Variants in BMERB1 observed in about 807,000 individuals in gnomAD.
BMERB1 encodes bMERB domain-containing protein 1.
A neutral mutation model predicts 23.6 loss-of-function variants in BMERB1; 12 were observed. The observed-to-expected ratio is 0.51, with a 90% CI of 0.33 to 0.82. BMERB1 has a LOEUF of 0.82. Among genes scored for constraint, BMERB1 ranks in the 40% least tolerant of loss-of-function variants. The probability of loss-of-function intolerance (pLI) is 0.03; values close to 1 mark genes in which losing one functional copy is unlikely to be tolerated. For missense variants in BMERB1, 247 were observed against 255.4 expected (o/e 0.97, Z 0.22); for synonymous variants, 122 against 96.6 (o/e 1.26, Z -1.54).
chr16:15,468,099 T>A (rs2051197141), intron 1 of BMERB1, among the ~76,000 whole-genome samples: 1 of 150,928 alleles, frequency 6.6e-6, no homozygotes, highest in South Asian at 2.1e-4. Flanking sequence ...TCTTTTTTTT[T>A]ACTTTTTCTT....
At chr16:15,538,267 C>A (rs2052044588) in intron 2 of BMERB1, among the ~76,000 whole-genome samples, 1 of 152,148 alleles carries the variant, frequency 6.6e-6, no homozygotes, top group African/African-American at 2.4e-5. Context: ...GCCTGGCCAA[C>A]ATGGTGAAAC....
rs540748004 is a variant in BMERB1, at chr16:15,465,118, C to T, written c.106+30359C>T. The stretch of plus-strand genomic sequence containing the variant: ...ATAAAATTGCACAGAACCACACACA[C>T]ACATACACACACACACCAATGAATT... On this transcript the variant is annotated intron_variant, in intron 1 of 5. Coordinates refer to ENST00000300006, the MANE Select transcript of BMERB1 (RefSeq NM_033201.3). 2.0e-5 allele frequency among the ~76,000 whole-genome samples: 3 copies of T among 152,234 alleles called. No individual in the cohort carries two copies. The South Asian group carries it at 6.2e-4, about 32-fold the overall frequency.
intron 1 of BMERB1, among the ~76,000 whole-genome samples, chr16:15,502,986 T>G (rs2051546305): frequency 6.6e-6 from 1 of 152,192 alleles, no homozygotes; most frequent in African/African-American, 2.4e-5. Context: ...CTGACCACTC[T>G]TTGTGATGTC....
intron 2 of BMERB1, among the ~76,000 whole-genome samples, chr16:15,548,524 G>A (rs1156756927): frequency 1.3e-5 from 2 of 152,162 alleles, no homozygotes; most frequent in Admixed American, 1.3e-4. Context: ...ATCTGCAGCA[G>A]TGGGAGTATT....
chr16:15,531,704 T>C (rs907978940), intron 2 of BMERB1, among the ~76,000 whole-genome samples: 1 of 152,158 alleles, frequency 6.6e-6, no homozygotes, highest in Admixed American at 6.5e-5. Context: ...TACCAGTAAA[T>C]TGCATGTACC....
chr16:15,555,704 G>A lies in BMERB1; in HGVS notation c.231-12279G>A, dbSNP rs184963621. 1.6e-3 allele frequency among the ~76,000 whole-genome samples: 237 copies of A among 152,276 alleles called. 1 individual carries two copies. The highest frequency in any genetic ancestry group is 1.9e-3 in the Non-Finnish European group (132 of 68,030). ...ATTCCCTTCCTATGTACACTGGCAG[G>A]CACCTCTCCGGTCCCTTGGTCCCCA... On this transcript the variant is annotated intron_variant, in intron 2 of 5. Coordinates refer to ENST00000300006, the MANE Select transcript of BMERB1 (RefSeq NM_033201.3).
At chr16:15,478,122 G>A (rs973615615) in intron 1 of BMERB1, among the ~76,000 whole-genome samples, 6 of 151,758 alleles carry the variant, frequency 4.0e-5, no homozygotes, top group Non-Finnish European at 8.8e-5. Flanking sequence ...AATCCTTCTC[G>A]ACATTCAAGT....
intron 2 of BMERB1, among the ~76,000 whole-genome samples, chr16:15,522,353 A>G (rs1018349620): frequency 6.6e-6 from 1 of 152,150 alleles, no homozygotes; most frequent in African/African-American, 2.4e-5. Context: ...AGAGGTACCA[A>G]GTGTGGTAAA....
intron 3 of BMERB1, among the ~76,000 whole-genome samples, chr16:15,575,058 G>A (rs899619592): frequency 5.3e-5 from 8 of 152,028 alleles, no homozygotes; most frequent in Non-Finnish European, 1.0e-4. Context: ...CAGCCTGGGC[G>A]ACAAAGCAAG....
intron 1 of BMERB1, among the ~76,000 whole-genome samples, chr16:15,454,295 C>G (rs904066834): frequency 6.6e-6 from 1 of 152,218 alleles, no homozygotes; most frequent in Non-Finnish European, 1.5e-5. Context: ...AGCAAACACA[C>G]GTTTTCATTA....
intron 1 of BMERB1, among the ~76,000 whole-genome samples, chr16:15,469,907 A>G (rs929442904): frequency 1.3e-5 from 2 of 152,324 alleles, no homozygotes; most frequent in East Asian, 3.9e-4. Flanking sequence ...AGATCTACGT[A>G]GACACTTAAG....
chr16:15,577,765 CAG>C (rs768808565), intron 3 of BMERB1, among the ~76,000 whole-genome samples: 17 of 152,242 alleles, frequency 1.1e-4, no homozygotes, highest in Non-Finnish European at 2.1e-4. Context: ...GCTGCAAACA[CAG>C]TGTATTTACA....
rs1567510151 is a variant in BMERB1 at position 15,588,165 on chromosome 16, G to GA, written c.*1336_*1337insA. ...TTTTCATCGTTGACATCATATTGTG[G>GA]TATCATTTATAACCAGTTTTTTCCT... On this transcript the variant is annotated 3_prime_UTR_variant, in exon 6 of 6. Transcript: ENST00000300006. 9.9e-5 allele frequency: 15 copies of GA among 151,962 alleles called. No individual in the cohort carries two copies. Among genetic ancestry groups the GA allele is most frequent in the Non-Finnish European group, 7.4e-5 (5 of 67,968 alleles). 9.4% of individuals were successfully genotyped at this position (151,962 alleles called of 1,614,324 possible). A position where few individuals can be genotyped will look rare whatever the true frequency, so the allele number is the denominator to read the frequency against.
chr16:15,585,900 G>A (rs1017176718), intron 5 of BMERB1, among the ~76,000 whole-genome samples: 12 of 152,060 alleles, frequency 7.9e-5, no homozygotes, highest in Admixed American at 1.3e-4. Context: ...ATGCACCAAA[G>A]AGAATGTCCT....
chr16:15,489,545 G>A (rs1387168541), intron 1 of BMERB1, among the ~76,000 whole-genome samples: 3 of 152,046 alleles, frequency 2.0e-5, no homozygotes, highest in Non-Finnish European at 4.4e-5. Flanking sequence ...CATGGCACTC[G>A]CTTGATTGAA....
intron 1 of BMERB1, among the ~76,000 whole-genome samples, chr16:15,479,807 G>T (rs1373919800): frequency 6.6e-6 from 1 of 151,730 alleles, no homozygotes; most frequent in East Asian, 1.9e-4. Flanking sequence ...AAGGCCAGGT[G>T]TGGTGGCTGA....
chr16:15,541,503 C>G (rs796355226), intron 2 of BMERB1, among the ~76,000 whole-genome samples: 4 of 146,952 alleles, frequency 2.7e-5, no homozygotes, highest in African/African-American at 7.6e-5. Flanking sequence ...TCATAGCTCA[C>G]TACAGCCTTG....
chr16:15,536,011 C>G (rs1053161465), intron 2 of BMERB1, among the ~76,000 whole-genome samples: 4 of 152,154 alleles, frequency 2.6e-5, no homozygotes, highest in African/African-American at 9.7e-5. Context: ...AATCACTTCC[C>G]TCCCTCGACA....
Position 15,515,406 on chromosome 16 carries a change from C to T in BMERB1, c.208C>T (p.Arg70Trp), listed in dbSNP as rs1201861702. 3.1e-6 allele frequency: 5 copies of T among 1,613,800 alleles called. No individual in the cohort carries two copies. The highest frequency in any genetic ancestry group is 2.7e-5 in the African/African-American group (2 of 74,994). The change falls in exon 2 of 6, where the codon CGG becomes TGG. Residue 70 changes from arginine (R) to tryptophan (W), a missense_variant. Physicochemically the swap from Arg to Trp is moderately radical, Grantham distance 101 (BLOSUM62 -3). Transcript: ENST00000300006. ...GCGTCTCCGGGAAGTCTTGGTCCGC[C>T]GGGAGTCTGAGCTCAGGTTCATGTG... The part of the protein sequence containing the change: ...IQRLREVLVR[R>W]ESELRFMMDD...
Sources: gnomAD v4.1 joint callset for allele counts (sites outside exome capture counted in the v4.1 genomes callset) on GRCh38, gnomAD v4.1.1 for gene constraint, MANE v1.5 for transcripts, NCBI Gene and HGNC (gene_info 2026-07-23, HGNC 2026-07-21) for gene names.